The following RIN2 variants were observed in gnomAD, a reference collection of about 807,000 sequenced individuals.
RIN2 encodes the protein Ras and Rab interactor 2.
Under a neutral mutation model 78.0 loss-of-function variants are expected in RIN2, and 36 were observed. That is an observed-to-expected ratio of 0.46 (90% CI 0.35 to 0.61). RIN2 has a LOEUF of 0.61. Ranked by LOEUF, RIN2 falls within the 20% of genes least tolerant of loss-of-function variation. RIN2 has a pLI of 0.00. For synonymous variants in RIN2, 466 were observed against 466.8 expected, an observed-to-expected ratio of 1.00 and a Z score of 0.02; for missense variants, 1,087 against 1,159.7, an observed-to-expected ratio of 0.94 and a Z score of 0.91.
chr20:19,833,222 G>T (rs1340521710), intron 2 of RIN2, among the ~76,000 whole-genome samples: 1 of 151,696 alleles, frequency 6.6e-6, no homozygotes, highest in Non-Finnish European at 1.5e-5. Flanking sequence ...CTGATATGCT[G>T]GTCTTGCCAA....
At position 19,912,901 on chromosome 20, in the gene RIN2, C is replaced by T. The variant is rs1316538580; in HGVS notation, c.58-22198C>T. Among the ~76,000 whole-genome samples, 5 of 152,220 alleles carry T rather than the reference C, an allele frequency of 3.3e-5. No homozygotes were observed. The South Asian group carries it at 1.0e-3, about 32-fold the overall frequency. On this transcript the variant is annotated intron_variant, in intron 3 of 12. Coordinates refer to ENST00000255006, the MANE Select transcript of RIN2 (RefSeq NM_018993.4). ...TGTGGGAAAGGCACAGCTGAGGAAG[C>T]TGCATGTTGTCCACAGCATCAAGAG...
At chr20:19,770,874 C>T (rs2034087242) in intron 1 of RIN2, among the ~76,000 whole-genome samples, 2 of 14,022 alleles carry the variant, frequency 1.4e-4, no homozygotes, top group African/African-American at 1.2e-3. Context: ...ACTGCCCCCA[C>T]CCCCCCCCCC....
chr20:19,772,646 C>A (rs2034172299), intron 1 of RIN2, among the ~76,000 whole-genome samples: 1 of 152,224 alleles, frequency 6.6e-6, no homozygotes. Context: ...GGTCCCGGCA[C>A]TGCCTGAGCC....
intron 1 of RIN2, among the ~76,000 whole-genome samples, chr20:19,764,973 G>A (rs560314258): frequency 8.3e-6 from 1 of 120,854 alleles, no homozygotes; most frequent in Non-Finnish European, 1.6e-5. Context: ...TCCCAGGCAG[G>A]AGTGCAGTGG....
intron 4 of RIN2, among the ~76,000 whole-genome samples, chr20:19,941,321 T>A (rs1035998941): frequency 2.6e-5 from 4 of 152,110 alleles, no homozygotes; most frequent in African/African-American, 7.2e-5. Context: ...GAACTGAAGA[T>A]GAGAAGGGAA....
At chr20:19,922,619 G>A (rs1187680740) in intron 3 of RIN2, among the ~76,000 whole-genome samples, 1 of 152,136 alleles carries the variant, frequency 6.6e-6, no homozygotes, top group African/African-American at 2.4e-5. Context: ...GGAGTACCAC[G>A]TGCTCCATTT....
chr20:19,804,452 T>C (rs888776605), intron 2 of RIN2, among the ~76,000 whole-genome samples: 2 of 152,230 alleles, frequency 1.3e-5, no homozygotes, highest in African/African-American at 4.8e-5. Context: ...TCTATTGAGA[T>C]AATCATGTGG....
intron 3 of RIN2, among the ~76,000 whole-genome samples, chr20:19,924,446 C>T (rs1255436969): frequency 4.8e-5 from 6 of 123,998 alleles, no homozygotes; most frequent in Non-Finnish European, 9.3e-5. Flanking sequence ...ACCTTCATAC[C>T]CTCACCTTCA....
At chr20:19,844,601 C>CT (rs2036683872) in intron 2 of RIN2, among the ~76,000 whole-genome samples, 11 of 123,140 alleles carry the variant, frequency 8.9e-5, no homozygotes, top group Admixed American at 4.2e-4. Context: ...CTGCTTCTTC[C>CT]TCTTCTTCTT....
In RIN2 at chr20:19,874,086, T is replaced by TGTGTG. The variant is rs55827998; in HGVS notation, c.-36-15480_-36-15479insGTGTG. ...GGTGTGTGTGTGTGTGTGTGTGTGT[T>TGTGTG]TGTGTGTGTTGGTTATTTCACTGCT... On this transcript the variant is annotated intron_variant, in intron 2 of 12. Coordinates refer to ENST00000255006, the MANE Select transcript of RIN2 (RefSeq NM_018993.4). Among the ~76,000 whole-genome samples the TGTGTG allele has an allele frequency of 8.2e-3, 1,188 of 145,750 alleles. 14 individuals are homozygous for TGTGTG. Among genetic ancestry groups the TGTGTG allele is most frequent in the South Asian group, 0.032 (145 of 4,554 alleles).
In RIN2 at chr20:19,780,878, G is replaced by A. The variant is rs570223157; in HGVS notation, c.-162-18744G>A. Among the ~76,000 whole-genome samples the A allele has an allele frequency of 5.9e-5, 9 of 152,352 alleles. No individual in the cohort carries two copies. The South Asian group carries it at 1.9e-3, about 32-fold the overall frequency. On this transcript the variant is annotated intron_variant, in intron 1 of 12. Transcript: ENST00000255006. ...CATGGGGTGTGCACTCAGCATTTGT[G>A]CTGTGGCTTTACATGTAACAAGGTA...
At chr20:19,801,466 C>G (rs78880606) in intron 2 of RIN2, among the ~76,000 whole-genome samples, 11,485 of 151,766 alleles carry the variant, frequency 0.076, 418 homozygotes, top group South Asian at 0.11. Context: ...GACTACAGGC[C>G]CCCACCACCA....
chr20:19,777,567 T>C (rs1440968682), intron 1 of RIN2, among the ~76,000 whole-genome samples: 1 of 152,242 alleles, frequency 6.6e-6, no homozygotes, highest in East Asian at 1.9e-4. Flanking sequence ...GAAATGACCA[T>C]TTAAAACGAA....
At chr20:19,877,243 TATC>T (rs2037886448) in intron 2 of RIN2, among the ~76,000 whole-genome samples, 1 of 148,696 alleles carries the variant, frequency 6.7e-6, no homozygotes, top group Non-Finnish European at 1.5e-5. Flanking sequence ...GTTTTCCTAT[TATC>T]TGCAGTAACT....
At chr20:19,862,227 A>T (rs2037365555) in intron 2 of RIN2, among the ~76,000 whole-genome samples, 1 of 152,168 alleles carries the variant, frequency 6.6e-6, no homozygotes, top group Non-Finnish European at 1.5e-5. Context: ...TTAAAATTTA[A>T]TGGAGGCCCC....
intron 2 of RIN2, among the ~76,000 whole-genome samples, chr20:19,853,326 A>G (rs1010448106): frequency 1.3e-5 from 2 of 152,140 alleles, no homozygotes; most frequent in African/African-American, 2.4e-5. Context: ...TATTGTGAAT[A>G]ATGCTGCAAT....
At chr20:19,789,310 C>A (rs889317983) in intron 1 of RIN2, among the ~76,000 whole-genome samples, 6 of 152,174 alleles carry the variant, frequency 3.9e-5, no homozygotes, top group Admixed American at 3.3e-4. Context: ...AAACAATTAA[C>A]CTTCTAGAAA....
intron 2 of RIN2, among the ~76,000 whole-genome samples, chr20:19,826,980 T>G (rs534105713): frequency 2.7e-5 from 4 of 149,316 alleles, no homozygotes; most frequent in Admixed American, 1.3e-4. Context: ...TTTGGGTTTT[T>G]TTTTTTTTTT....
chr20:19,880,714 C>T (rs1182963039), intron 2 of RIN2, among the ~76,000 whole-genome samples: 1 of 152,138 alleles, frequency 6.6e-6, no homozygotes, highest in Non-Finnish European at 1.5e-5. Flanking sequence ...TAGATGACTT[C>T]CTTGTAAAAT....
Sources: allele counts gnomAD v4.1 joint callset (sites outside exome capture counted in the v4.1 genomes callset), GRCh38; gene constraint gnomAD v4.1.1; transcripts MANE v1.5; gene names NCBI Gene and HGNC (gene_info 2026-07-23, HGNC 2026-07-21).